TJP2: variants seen among roughly 807,000 people sequenced by gnomAD.
TJP2 encodes the protein tight junction protein 2, also known as Friedreich ataxia region gene X104 (tight junction protein ZO-2).
TJP2 carries 91 observed loss-of-function variants against 133.1 expected under a neutral mutation model. The observed-to-expected ratio is 0.68, with a 90% confidence interval of 0.58 to 0.81. The LOEUF (loss-of-function observed/expected upper bound fraction) is 0.81, where lower values mean the gene tolerates loss of function less well. TJP2 is among the 40% of genes least tolerant of loss of function. The probability of loss-of-function intolerance (pLI) is 0.00; values close to 1 mark genes in which losing one functional copy is unlikely to be tolerated. For synonymous variants in TJP2, 592 were observed against 583.4 expected (o/e 1.01, Z -0.21); for missense variants, 1,541 against 1,565.6 (o/e 0.98, Z 0.26).
At chr9:69,227,406 T>C (rs1346581133) in intron 7 of TJP2, among the ~76,000 whole-genome samples, 1 of 152,164 alleles carries the variant, frequency 6.6e-6, no homozygotes, top group East Asian at 1.9e-4. Flanking sequence ...AACAACTGCA[T>C]CCTAACAAGA....
intron 12 of TJP2, 151 bp downstream of exon 12, chr9:69,234,698 G>A: frequency 1.7e-6 from 1 of 574,922 alleles, no homozygotes; most frequent in Non-Finnish European, 3.1e-6. Flanking sequence ...GGTGTGTGAA[G>A]AAAATGTGAG....
At chr9:69,174,150 G>A (rs771226319), upstream of TJP2, 6 of 1,265,270 alleles carry the variant, frequency 4.7e-6, no homozygotes, top group Non-Finnish European at 5.0e-6. Flanking sequence ...CAGTTTCCCG[G>A]GCCGGGCGGC....
At chr9:69,143,861 T>C (rs370593022) in intron 1 of TJP2, among the ~76,000 whole-genome samples, 1 of 152,146 alleles carries the variant, frequency 6.6e-6, no homozygotes, top group Non-Finnish European at 1.5e-5. Context: ...TTAAGTACAC[T>C]CATATACCCC....
At chr9:69,187,522 A>G (rs766115201) in intron 1 of TJP2, among the ~76,000 whole-genome samples, 1 of 152,240 alleles carries the variant, frequency 6.6e-6, no homozygotes, top group Non-Finnish European at 1.5e-5. Context: ...TCTTTCAGCA[A>G]CATAAGCAAC....
At position 69,163,067 on chromosome 9, in the gene TJP2, C is replaced by G. The variant is rs1472833239; in HGVS notation, c.-10+11296C>G. On this transcript the variant is annotated intron_variant, in intron 2 of 5. Coordinates refer to the TJP2 transcript ENST00000423935. ...TTGAGACGGAGTCTCGCTCTGTCGC[C>G]CAGGCTGGAGTGCAGTGGCGGGATC... 4.1e-4 allele frequency among the ~76,000 whole-genome samples: 44 copies of G among 106,096 alleles called. 12 individuals are homozygous for G. The highest frequency in any genetic ancestry group is 1.6e-3 in the African/African-American group (44 of 27,668). 69.6% of individuals were successfully genotyped at this position (106,096 alleles called of 152,430 possible).
intron 16 of TJP2, 100 bp downstream of exon 16, chr9:69,238,889 G>A (rs1830388098): frequency 9.2e-7 from 1 of 1,088,860 alleles, no homozygotes; most frequent in Admixed American, 2.0e-5. Flanking sequence ...ATCATTAAAT[G>A]TTAATAATAA....
chr9:69,246,490 G>A (rs1360612902), intron 17 of TJP2, 200 bp from the exon 18 acceptor site: 2 of 598,086 alleles, frequency 3.3e-6, no homozygotes, highest in Non-Finnish European at 6.0e-6. Context: ...CACCTATAAT[G>A]TGAACTCAAA....
chr9:69,253,116 T>G, intron 22 of TJP2: 1 of 590,356 alleles, frequency 1.7e-6, no homozygotes, highest in Non-Finnish European at 3.0e-6. Context: ...TCTGACAAAG[T>G]GTAATCATTG....
chr9:69,187,896 G>A (rs3002379), intron 1 of TJP2, among the ~76,000 whole-genome samples: 4 of 151,926 alleles, frequency 2.6e-5, no homozygotes, highest in African/African-American at 9.7e-5. Context: ...TCACACTGGG[G>A]GTGTATTCTC....
chr9:69,156,779 A>G (rs577474422), intron 2 of TJP2, among the ~76,000 whole-genome samples: 5 of 151,948 alleles, frequency 3.3e-5, no homozygotes, highest in East Asian at 3.9e-4. Context: ...TCGGCCTCCC[A>G]AAGTGCTGGG....
chr9:69,210,321 A>G (rs1337808192), intron 1 of TJP2, among the ~76,000 whole-genome samples: 1 of 127,502 alleles, frequency 7.8e-6, no homozygotes, highest in Non-Finnish European at 1.6e-5. Flanking sequence ...AAGTAGCAGC[A>G]GTCAGTGCTT....
At chr9:69,129,087 G>A (rs1021080286) in intron 1 of TJP2, among the ~76,000 whole-genome samples, 2 of 152,180 alleles carry the variant, frequency 1.3e-5, no homozygotes, top group East Asian at 1.9e-4. Flanking sequence ...TGGGGAGTAC[G>A]TAAGCAGGGA....
rs1279857262 is a variant in TJP2, at chr9:69,238,809, G to C, written c.2355+20G>C. The C allele has an allele frequency of 6.3e-7, 1 of 1,586,732 alleles. No homozygotes were observed. The highest frequency in any genetic ancestry group is 8.7e-7 in the Non-Finnish European group (1 of 1,155,846). On this transcript the variant is annotated intron_variant, in intron 16 of 22. Transcript: ENST00000377245. ...GAACAGGTGAGAAAATTCATCCACA[G>C]ACCGTGTTTTCAGAAAGAATTAGAT...
chr9:69,190,457 A>G (rs1266528188), intron 1 of TJP2, among the ~76,000 whole-genome samples: 2 of 152,232 alleles, frequency 1.3e-5, no homozygotes, highest in African/African-American at 4.8e-5. Flanking sequence ...GCTACCAAGC[A>G]TAGTTGACTT....
rs375558471 is a variant in TJP2, at chr9:69,145,592, A to C, written c.-130-6059A>C. The C allele has an allele frequency of 3.5e-5, 20 of 567,696 alleles. No individual in the cohort carries two copies. The South Asian group carries it at 1.8e-3, about 52-fold the overall frequency. 35.2% of individuals were successfully genotyped at this position (567,696 alleles called of 1,614,324 possible). ...ACGGTTGTGTTTAATAGATCTAGCT[A>C]GGGCTACATAGAGAACATCCAAAGG... On this transcript the variant is annotated intron_variant, in intron 1 of 5. Coordinates refer to the TJP2 transcript ENST00000423935.
At chr9:69,247,882 T>C in intron 18 of TJP2, 130 bp from the exon 19 acceptor site, 1 of 905,640 alleles carries the variant, frequency 1.1e-6, no homozygotes, top group Non-Finnish European at 1.6e-6. Context: ...GGGAGAAAAA[T>C]AAAAGATGCC....
upstream of TJP2, among the ~76,000 whole-genome samples, chr9:69,172,002 G>A (rs1390200495): frequency 1.3e-5 from 2 of 151,974 alleles, no homozygotes; most frequent in Non-Finnish European, 2.9e-5. Flanking sequence ...TCACCATGTT[G>A]GCCAGGATGG....
intron 16 of TJP2, 120 bp downstream of exon 16, chr9:69,238,909 C>G: frequency 1.1e-6 from 1 of 907,696 alleles, no homozygotes; most frequent in Non-Finnish European, 1.8e-6. Context: ...AAAAATTGGC[C>G]GGGCACAGTG....
chr9:69,130,747 G>A (rs7048095), intron 1 of TJP2, among the ~76,000 whole-genome samples: 69,088 of 151,246 alleles, frequency 0.46, 15,838 homozygotes, highest in East Asian at 0.61. Context: ...ACGAATTGAG[G>A]AATACTGTGG....
Sources: gnomAD v4.1 joint callset for allele counts (sites outside exome capture counted in the v4.1 genomes callset) on GRCh38, gnomAD v4.1.1 for gene constraint, MANE v1.5 for transcripts, NCBI Gene and HGNC (gene_info 2026-07-23, HGNC 2026-07-21) for gene names.